Variants in RASGEF1C observed in about 807,000 individuals in gnomAD.
RASGEF1C encodes RasGEF domain family member 1C.
In RASGEF1C, 27 loss-of-function variants were observed where a neutral mutation model predicts 58.1. The ratio of observed to expected loss-of-function variants is 0.46; its 90% CI spans 0.34 to 0.64. RASGEF1C has a LOEUF of 0.64. Among genes scored for constraint, RASGEF1C ranks in the 30% least tolerant of loss-of-function variants. The probability of loss-of-function intolerance (pLI) is 0.01; values close to 1 mark genes in which losing one functional copy is unlikely to be tolerated. For missense variants in RASGEF1C, 502 were observed against 605.1 expected, an observed-to-expected ratio of 0.83 and a Z score of 1.79; for synonymous variants, 243 against 246.3, an observed-to-expected ratio of 0.99 and a Z score of 0.13.
At chr5:180,191,299 G>C (rs1756157667) in intron 1 of RASGEF1C, among the ~76,000 whole-genome samples, 2 of 152,170 alleles carry the variant, frequency 1.3e-5, no homozygotes, top group South Asian at 4.1e-4. Flanking sequence ...ATTTATCCAA[G>C]AAAAATGAAC....
chr5:180,114,171 G>A (rs777192555), intron 11 of RASGEF1C, among the ~76,000 whole-genome samples: 5 of 152,186 alleles, frequency 3.3e-5, no homozygotes, highest in Admixed American at 1.3e-4. Context: ...TGCCTTTCTC[G>A]CCAGCCTGGT....
chr5:180,164,401 T>C (rs55773614), intron 1 of RASGEF1C, among the ~76,000 whole-genome samples: 58,534 of 152,064 alleles, frequency 0.38, 13,458 homozygotes, highest in Non-Finnish European at 0.52. Context: ...CAAGAGATAA[T>C]TGTATCTATT....
chr5:180,139,503 G>T (rs561426865), intron 1 of RASGEF1C, among the ~76,000 whole-genome samples: 2 of 152,204 alleles, frequency 1.3e-5, no homozygotes, highest in Non-Finnish European at 2.9e-5. Flanking sequence ...GGGCTGTCCC[G>T]TGGCCATGTG....
intron 1 of RASGEF1C, among the ~76,000 whole-genome samples, chr5:180,139,871 G>C (rs1157335022): frequency 6.6e-6 from 1 of 152,154 alleles, no homozygotes; most frequent in South Asian, 2.1e-4. Context: ...TGGGAGGTCC[G>C]TTGTCTCCTG....
Position 180,179,104 on chromosome 5 carries a change from G to A in RASGEF1C, c.-7+29924C>T, listed in dbSNP as rs116723606. ...ACGGGCTGGGGCTGGAGGGAGAGTC[G>A]TGGGTCTGGATCGAGCTGGAATCAG... On this transcript the variant is annotated intron_variant, in intron 1 of 13. Transcript: ENST00000361132. Among the ~76,000 whole-genome samples, 937 of 152,292 alleles carry A rather than the reference G, an allele frequency of 6.2e-3. 9 individuals are homozygous for A. The highest frequency in any genetic ancestry group is 0.02 in the African/African-American group (831 of 41,548).
chr5:180,173,713 G>C (rs1388606688), intron 1 of RASGEF1C, among the ~76,000 whole-genome samples: 3 of 152,110 alleles, frequency 2.0e-5, no homozygotes, highest in Non-Finnish European at 4.4e-5. Flanking sequence ...AGGAGTTTGA[G>C]ACCAGCCTGG....
At chr5:180,133,315 T>C (rs894439213) in intron 4 of RASGEF1C, among the ~76,000 whole-genome samples, 20 of 152,160 alleles carry the variant, frequency 1.3e-4, no homozygotes, top group African/African-American at 4.1e-4. Flanking sequence ...AGAGCTGGTG[T>C]GGAGCACAGC....
intron 10 of RASGEF1C, among the ~76,000 whole-genome samples, chr5:180,116,826 A>C (rs1766075841): frequency 6.6e-6 from 1 of 152,180 alleles, no homozygotes; most frequent in Non-Finnish European, 1.5e-5. Context: ...ACACACACCC[A>C]CTGCCTGGGA....
intron 1 of RASGEF1C, among the ~76,000 whole-genome samples, chr5:180,190,471 CAG>C (rs1278487274): frequency 4.5e-5 from 5 of 112,174 alleles, no homozygotes; most frequent in South Asian, 3.2e-4. Flanking sequence ...GACTGGGTGA[CAG>C]AGTGAGACTC....
chr5:180,138,223 C>T, intron 1 of RASGEF1C, 165 bp from the exon 2 acceptor site: 4 of 482,892 alleles, frequency 8.3e-6, no homozygotes, highest in South Asian at 7.5e-5. Context: ...ATTGTCAGGG[C>T]CCCTTCCTCA....
intron 1 of RASGEF1C, among the ~76,000 whole-genome samples, chr5:180,208,607 G>A (rs1239722453): frequency 6.6e-6 from 1 of 152,142 alleles, no homozygotes; most frequent in Non-Finnish European, 1.5e-5. Context: ...CCAGGCGCAA[G>A]GCCCTTTCCC....
intron 1 of RASGEF1C, among the ~76,000 whole-genome samples, chr5:180,160,323 C>T (rs1363063950): frequency 6.6e-6 from 1 of 152,202 alleles, no homozygotes; most frequent in East Asian, 1.9e-4. Flanking sequence ...CAGTTGGCCT[C>T]TGGGGCCTCC....
At chr5:180,141,335 A>G (rs950634662) in intron 1 of RASGEF1C, among the ~76,000 whole-genome samples, 1 of 152,218 alleles carries the variant, frequency 6.6e-6, no homozygotes, top group Non-Finnish European at 1.5e-5. Context: ...ATCAGTGACG[A>G]ATGGATGGAG....
chr5:180,169,801 GGGCTCCAAGCCCGCCTCTCT>G (rs144758217), intron 1 of RASGEF1C, among the ~76,000 whole-genome samples: 67,041 of 145,120 alleles, frequency 0.46, 17,094 homozygotes, highest in Non-Finnish European at 0.58. Flanking sequence ...CGACCCCATG[GGGCTCCAAGCCCGCCTCTCT>G]GGCCCAGCCT....
At chr5:180,114,351 C>G in intron 11 of RASGEF1C, 95 bp downstream of exon 11, 1 of 1,197,372 alleles carries the variant, frequency 8.4e-7, no homozygotes, top group Non-Finnish European at 1.2e-6. Context: ...GCCCCAGGGT[C>G]CCCCATGAGG....
At chr5:180,123,856 A>G (rs920622488) in intron 6 of RASGEF1C, among the ~76,000 whole-genome samples, 1 of 152,220 alleles carries the variant, frequency 6.6e-6, no homozygotes, top group Non-Finnish European at 1.5e-5. Flanking sequence ...TAATCAAAAT[A>G]CTAGAGATGG....
At chr5:180,130,159 T>C (rs1034042431) in intron 4 of RASGEF1C, among the ~76,000 whole-genome samples, 1 of 152,166 alleles carries the variant, frequency 6.6e-6, no homozygotes, top group African/African-American at 2.4e-5. Context: ...ATGACCCCAT[T>C]GTCTCGACGG....
At chr5:180,116,117 C>T (rs1458912470) in intron 10 of RASGEF1C, among the ~76,000 whole-genome samples, 3 of 152,308 alleles carry the variant, frequency 2.0e-5, no homozygotes, top group African/African-American at 7.2e-5. Context: ...GAGCACTTCT[C>T]ACCCCTTCCG....
chr5:180,114,292 G>A (rs1171260857), intron 11 of RASGEF1C, among the ~76,000 whole-genome samples, 154 bp downstream of exon 11: 2 of 152,192 alleles, frequency 1.3e-5, no homozygotes, highest in African/African-American at 4.8e-5. Flanking sequence ...ATGTCAGGGT[G>A]GGAGGACCCT....
Sources: allele counts gnomAD v4.1 joint callset (sites outside exome capture counted in the v4.1 genomes callset), GRCh38; gene constraint gnomAD v4.1.1; transcripts MANE v1.5; gene names NCBI Gene and HGNC (gene_info 2026-07-23, HGNC 2026-07-21).